Variants in ACTR3B observed in about 807,000 individuals in gnomAD.
ACTR3B encodes actin-related protein 3B.
Under a neutral mutation model 59.0 loss-of-function variants are expected in ACTR3B, and 8 were observed. That is an observed-to-expected ratio of 0.14 (90% CI 0.08 to 0.24). The LOEUF is 0.24. Ranked by LOEUF, ACTR3B falls within the 10% of genes least tolerant of loss-of-function variation. The pLI is 1.00. For missense variants in ACTR3B, 245 were observed against 552.3 expected (o/e 0.44, Z 5.58); for synonymous variants, 148 against 197.9 (o/e 0.75, Z 2.12).
chr7:152,830,722 AT>A (rs1241094415), intron 9 of ACTR3B, among the ~76,000 whole-genome samples: 1 of 150,880 alleles, frequency 6.6e-6, no homozygotes, highest in African/African-American at 2.4e-5. Flanking sequence ...CTAATTAAAA[AT>A]TTTTTTTTGT....
chr7:152,849,338 G>T (rs1590469710), intron 9 of ACTR3B, among the ~76,000 whole-genome samples: 1 of 152,202 alleles, frequency 6.6e-6, no homozygotes, highest in South Asian at 2.1e-4. Flanking sequence ...GTGGGGTGGG[G>T]GTTCCGGAGG....
intron 2 of ACTR3B, among the ~76,000 whole-genome samples, chr7:152,784,433 T>G (rs2098164855): frequency 6.6e-6 from 1 of 152,120 alleles, no homozygotes; most frequent in South Asian, 2.1e-4. Context: ...TGAGAACATT[T>G]AAGTAACCTC....
At chr7:152,789,252 T>C (rs2098186519) in intron 2 of ACTR3B, among the ~76,000 whole-genome samples, 2 of 148,996 alleles carry the variant, frequency 1.3e-5, no homozygotes, top group African/African-American at 5.1e-5. Flanking sequence ...ATTAGCTACG[T>C]GTAGTGACGC....
At chr7:152,810,648 A>G (rs1254510412) in intron 4 of ACTR3B, 1 of 151,796 alleles carries the variant, frequency 6.6e-6, no homozygotes, top group Non-Finnish European at 1.5e-5. Flanking sequence ...CACGCCTTGT[A>G]ATCCCAGCCT....
chr7:152,825,001 T>C (rs756015574), intron 8 of ACTR3B, 29 bp from the exon 9 acceptor site: 1 of 1,603,502 alleles, frequency 6.2e-7, no homozygotes, highest in Non-Finnish European at 8.5e-7. Flanking sequence ...AAATGTGTAA[T>C]GTTTCTTTTA....
At chr7:152,845,738 A>G (rs911872965) in intron 9 of ACTR3B, among the ~76,000 whole-genome samples, 1 of 152,184 alleles carries the variant, frequency 6.6e-6, no homozygotes, top group Non-Finnish European at 1.5e-5. Context: ...AAAGTGGAGT[A>G]CAGGGACACC....
rs71182042 is a variant in ACTR3B, at chr7:152,789,023, AAACAAC to A, written c.100+5805_100+5810del. Among the ~76,000 whole-genome samples the A allele has an allele frequency of 4.5e-3, 658 of 146,414 alleles. 5 individuals carry two copies. The highest frequency in any genetic ancestry group is 0.03 in the South Asian group (143 of 4,712). ...GGCAGCAGAACCAGACGCTGTCTCA[AAACAAC>A]AACAACAACAACAACAACAACAAAC... is the stretch of plus-strand genomic sequence containing the variant. On this transcript the variant is annotated intron_variant, in intron 2 of 11. Coordinates refer to ENST00000256001, the MANE Select transcript of ACTR3B (RefSeq NM_020445.6).
intron 1 of ACTR3B, among the ~76,000 whole-genome samples, chr7:152,761,726 C>T (rs1395909637): frequency 6.6e-6 from 1 of 152,126 alleles, no homozygotes. Context: ...CCTGAAAGAG[C>T]CCGAATTTAC....
intron 2 of ACTR3B, among the ~76,000 whole-genome samples, chr7:152,792,869 A>C (rs576040861): frequency 6.6e-6 from 1 of 152,314 alleles, no homozygotes; most frequent in East Asian, 1.9e-4. Flanking sequence ...GTTTTATTTC[A>C]ACGGAAAGTC....
chr7:152,823,172 A>T (rs1337977926), intron 7 of ACTR3B, among the ~76,000 whole-genome samples, 170 bp from the exon 8 acceptor site: 2 of 152,226 alleles, frequency 1.3e-5, no homozygotes, highest in Admixed American at 6.5e-5. Context: ...ACCATGTCTA[A>T]CATGAAAGAC....
intron 4 of ACTR3B, among the ~76,000 whole-genome samples, chr7:152,809,699 C>T (rs12703210): frequency 1.6e-4 from 25 of 152,030 alleles, no homozygotes; most frequent in Non-Finnish European, 3.2e-4. Context: ...TGTGCCACCA[C>T]GCCTGGCTAA....
chr7:152,769,468 TTTA>T (rs1265968753), intron 1 of ACTR3B, among the ~76,000 whole-genome samples: 1 of 152,174 alleles, frequency 6.6e-6, no homozygotes, highest in Non-Finnish European at 1.5e-5. Context: ...TCTCCATCCT[TTTA>T]TTATTCTTTC....
chr7:152,845,572 G>A (rs1480688786), intron 9 of ACTR3B, among the ~76,000 whole-genome samples: 1 of 152,260 alleles, frequency 6.6e-6, no homozygotes, highest in Non-Finnish European at 1.5e-5. Context: ...TCGCAAAGGA[G>A]CAGCGCGAAT....
intron 2 of ACTR3B, among the ~76,000 whole-genome samples, chr7:152,792,908 T>C (rs577063284): frequency 6.6e-6 from 1 of 152,322 alleles, no homozygotes; most frequent in Admixed American, 6.5e-5. Flanking sequence ...GGGATATTTT[T>C]GCTGAACATA....
At chr7:152,790,900 CTT>C (rs2098193459) in intron 2 of ACTR3B, among the ~76,000 whole-genome samples, 1 of 152,004 alleles carries the variant, frequency 6.6e-6, no homozygotes, top group South Asian at 2.1e-4. Context: ...CCTCAGATGG[CTT>C]TTTTGGCATT....
At chr7:152,760,362 AGTGAACG>A (rs1330499135) in intron 1 of ACTR3B, among the ~76,000 whole-genome samples, 1 of 152,192 alleles carries the variant, frequency 6.6e-6, no homozygotes, top group Non-Finnish European at 1.5e-5. Flanking sequence ...CTCATCTCCT[AGTGAACG>A]GTGTCCCTGC....
intron 9 of ACTR3B, among the ~76,000 whole-genome samples, chr7:152,837,336 T>C (rs1296621482): frequency 1.3e-5 from 2 of 152,272 alleles, no homozygotes; most frequent in Admixed American, 6.5e-5. Context: ...TCTCTTTTTT[T>C]CTGCTTTTTC....
intron 4 of ACTR3B, among the ~76,000 whole-genome samples, chr7:152,809,263 G>A (rs1395442747): frequency 1.3e-5 from 2 of 150,736 alleles, no homozygotes; most frequent in East Asian, 3.9e-4. Flanking sequence ...CTTACTTGGG[G>A]CAGTGTGTTT....
intron 2 of ACTR3B, among the ~76,000 whole-genome samples, chr7:152,793,751 A>T (rs890477388): frequency 2.0e-5 from 3 of 151,188 alleles, no homozygotes; most frequent in African/African-American, 7.3e-5. Flanking sequence ...AGAGTTTTAA[A>T]GTGGAAACCT....
Sources: allele counts gnomAD v4.1 joint callset (sites outside exome capture counted in the v4.1 genomes callset), GRCh38; gene constraint gnomAD v4.1.1; transcripts MANE v1.5; gene names NCBI Gene and HGNC (gene_info 2026-07-23, HGNC 2026-07-21).